Variants in ANKRD12 observed in about 807,000 individuals in gnomAD.
ANKRD12 encodes ankyrin repeat domain 12, also known as ankyrin repeat domain-containing protein 12.
In ANKRD12, 85 loss-of-function variants were observed where a neutral mutation model predicts 183.4. That is an observed-to-expected ratio of 0.46 (90% confidence interval 0.39 to 0.56). ANKRD12 has a LOEUF of 0.56. Ranked by LOEUF, ANKRD12 falls within the 20% of genes least tolerant of loss-of-function variation. The pLI is 0.00. For missense variants in ANKRD12, 2,405 were observed against 2,357.1 expected, an observed-to-expected ratio of 1.02 and a Z score of -0.42; for synonymous variants, 914 against 800.2, an observed-to-expected ratio of 1.14 and a Z score of -2.40.
rs755422876 is a variant in ANKRD12, at chr18:9,255,024, C to T, written c.1757C>T (p.Thr586Ile). Reference sequence around the variant, plus strand: ...CCTGATCTTGTTCGGTATGATAATACAGAATCTGAATTCTTGCCAGAAAGT... The same window carrying T: ...CCTGATCTTGTTCGGTATGATAATATAGAATCTGAATTCTTGCCAGAAAGT... ...LQPDLVRYDN[T>I]ESEFLPESSS... Residue 586 changes from threonine (T) to isoleucine (I), a missense_variant, in exon 9 of 13, where the codon ACA (threonine) becomes ATA (isoleucine). Thr to Ile is a moderately conservative substitution (Grantham distance 89). Around this residue, in one of 7 missense-constraint regions of ANKRD12, gnomAD observed 1,983 missense variants for 1,725.9 expected, o/e 1.15. Transcript: ENST00000262126. 6.3e-7 allele frequency: 1 copy of T among 1,599,972 alleles called. No homozygotes were observed. Among genetic ancestry groups the T allele is most frequent in the African/African-American group, 1.3e-5 (1 of 74,164 alleles).
Position 9,256,853 on chromosome 18 carries a change from A to G in ANKRD12, c.3586A>G (p.Lys1196Glu). Residue 1196 changes from lysine to glutamate, a missense_variant, in exon 9 of 13, where the codon AAG becomes GAG. Physicochemically the swap from Lys to Glu is moderately conservative, Grantham distance 56. Coordinates refer to ENST00000262126, the MANE Select transcript of ANKRD12 (RefSeq NM_015208.5). ...CAGGTCTCCTAGATCAGAAAATGAA[A>G]AGCCGGGTCTCAGCTCCAGATCTGT... ...LNRSPRSENE[K>E]PGLSSRSVSM... The G allele has an allele frequency of 6.2e-7, 1 of 1,613,996 alleles. No individual in the cohort carries two copies. Among genetic ancestry groups the G allele is most frequent in the Non-Finnish European group, 8.5e-7 (1 of 1,179,948 alleles).
At chr18:9,224,571 G>A (rs1294260606) in intron 8 of ANKRD12, among the ~76,000 whole-genome samples, 1 of 152,132 alleles carries the variant, frequency 6.6e-6, no homozygotes, top group Non-Finnish European at 1.5e-5. Flanking sequence ...AATAGTATTT[G>A]GATGTTGGTG....
chr18:9,263,541 G>T (rs1375558268), intron 9 of ANKRD12, among the ~76,000 whole-genome samples: 2 of 152,102 alleles, frequency 1.3e-5, no homozygotes, highest in Non-Finnish European at 1.5e-5. Flanking sequence ...TGTCTCGCTG[G>T]AATAACTTCC....
At chr18:9,245,300 A>G (rs2037895210) in intron 8 of ANKRD12, among the ~76,000 whole-genome samples, 1 of 151,768 alleles carries the variant, frequency 6.6e-6, no homozygotes, top group Non-Finnish European at 1.5e-5. Context: ...AAAAAAAAAA[A>G]ATTAGCCAAG....
At chr18:9,259,340 AAC>A (rs2038826572) in intron 9 of ANKRD12, 1 of 155,560 alleles carries the variant, frequency 6.4e-6, no homozygotes, top group South Asian at 2.0e-4. Context: ...ATTTATGTTA[AAC>A]ACGTGTTTAA....
intron 1 of ANKRD12, among the ~76,000 whole-genome samples, chr18:9,161,080 C>G (rs1467152689): frequency 6.6e-6 from 1 of 152,058 alleles, no homozygotes; most frequent in Admixed American, 6.5e-5. Context: ...CTCAAGCAAT[C>G]CTCTTGCCTT....
intron 1 of ANKRD12, among the ~76,000 whole-genome samples, chr18:9,174,536 C>T (rs773902659): frequency 2.6e-5 from 4 of 152,208 alleles, no homozygotes; most frequent in Non-Finnish European, 5.9e-5. Context: ...TTGCAAAGAT[C>T]CGTAGGAGAA....
At chr18:9,215,168 C>T (rs1359346517) in intron 6 of ANKRD12, among the ~76,000 whole-genome samples, 1 of 151,872 alleles carries the variant, frequency 6.6e-6, no homozygotes, top group Non-Finnish European at 1.5e-5. Flanking sequence ...ACAAAAGTAC[C>T]CTATTCTGGG....
intron 1 of ANKRD12, among the ~76,000 whole-genome samples, chr18:9,148,311 A>G (rs1260202217): frequency 6.6e-6 from 1 of 150,862 alleles, no homozygotes; most frequent in Admixed American, 6.6e-5. Flanking sequence ...GGGAGGGAAA[A>G]ATATATATAT....
At chr18:9,149,773 T>TTTAC (rs2078616181) in intron 1 of ANKRD12, among the ~76,000 whole-genome samples, 1 of 143,446 alleles carries the variant, frequency 7.0e-6, no homozygotes, top group East Asian at 2.0e-4. Flanking sequence ...TTTGTAATGA[T>TTTAC]TTATTTATTT....
chr18:9,148,817 T>C (rs2078581131), intron 1 of ANKRD12, among the ~76,000 whole-genome samples: 2 of 152,176 alleles, frequency 1.3e-5, no homozygotes, highest in African/African-American at 4.8e-5. Flanking sequence ...TCGAATTATG[T>C]CACTACTTTT....
intron 1 of ANKRD12, among the ~76,000 whole-genome samples, chr18:9,174,018 C>T (rs1391204968): frequency 2.0e-5 from 3 of 152,214 alleles, no homozygotes; most frequent in Non-Finnish European, 4.4e-5. Context: ...GAAATTCCCT[C>T]AGGGAGGCCC....
intron 8 of ANKRD12, among the ~76,000 whole-genome samples, chr18:9,245,381 G>C (rs942253456): frequency 1.3e-5 from 2 of 152,026 alleles, no homozygotes; most frequent in Non-Finnish European, 2.9e-5. Context: ...AGCCCAGGAG[G>C]TTGAGGCTAC....
chr18:9,199,152 G>A (rs930738459), intron 3 of ANKRD12, among the ~76,000 whole-genome samples: 3 of 152,032 alleles, frequency 2.0e-5, no homozygotes, highest in Non-Finnish European at 4.4e-5. Flanking sequence ...AAATGAGTCA[G>A]GCTTAGTGGT....
At chr18:9,147,881 G>A (rs1041078705) in intron 1 of ANKRD12, among the ~76,000 whole-genome samples, 4 of 152,170 alleles carry the variant, frequency 2.6e-5, no homozygotes, top group African/African-American at 7.2e-5. Context: ...TACTTACTCT[G>A]TGAAATTTTA....
At chr18:9,147,339 C>T (rs1265618416) in intron 1 of ANKRD12, among the ~76,000 whole-genome samples, 1 of 151,838 alleles carries the variant, frequency 6.6e-6, no homozygotes, top group Non-Finnish European at 1.5e-5. Flanking sequence ...AAGCTGTGAG[C>T]AATACTTAAG....
At position 9,204,485 on chromosome 18, in the gene ANKRD12, C is replaced by G; in HGVS notation, c.245C>G (p.Pro82Arg). The G allele has an allele frequency of 6.2e-7, 1 of 1,600,788 alleles. No homozygotes were observed. The highest frequency in any genetic ancestry group is 1.1e-5 in the South Asian group (1 of 89,802). Residue 82 changes from proline to arginine, a missense_variant, in exon 4 of 13, where the codon CCA (proline) becomes CGA (arginine). Transcript: ENST00000262126. ...EERDSDTDSD[P>R]GHTSENWGER... ...TCTTCTCATTCTGTAGATTCAGATC[C>G]AGGACATACAAGTGAAAATTGGGGG...
intron 11 of ANKRD12, among the ~76,000 whole-genome samples, chr18:9,278,228 T>C (rs1260900787): frequency 1.3e-5 from 2 of 150,664 alleles, no homozygotes; most frequent in African/African-American, 2.5e-5. Context: ...GGCTTTAGAG[T>C]AGAAGGTCTC....
chr18:9,223,137 G>C (rs1018725635), intron 8 of ANKRD12, among the ~76,000 whole-genome samples: 2 of 152,166 alleles, frequency 1.3e-5, no homozygotes, highest in Non-Finnish European at 1.5e-5. Context: ...GTAAACTCAG[G>C]GTTGGGCGTG....
Sources: gnomAD v4.1 joint callset for allele counts (sites outside exome capture counted in the v4.1 genomes callset) on GRCh38, gnomAD v4.1.1 for gene constraint, gnomAD v4.1.1 regional missense constraint, MANE v1.5 for transcripts, NCBI Gene and HGNC (gene_info 2026-07-23, HGNC 2026-07-21) for gene names.